Variants in PIAS2 observed in about 807,000 individuals in gnomAD.
PIAS2 encodes protein inhibitor of activated STAT 2.
A neutral mutation model predicts 69.7 loss-of-function variants in PIAS2; 19 were observed. That is an observed-to-expected ratio of 0.27 (90% CI 0.19 to 0.40). PIAS2 has a LOEUF of 0.40. Among genes scored for constraint, PIAS2 ranks in the 10% least tolerant of loss-of-function variants. PIAS2 has a pLI of 1.00. For synonymous variants in PIAS2, 261 were observed against 263.2 expected, an observed-to-expected ratio of 0.99 and a Z score of 0.08; for missense variants, 624 against 757.0, an observed-to-expected ratio of 0.82 and a Z score of 2.06.
chr18:46,855,852 A>G (rs1281257187), intron 3 of PIAS2, among the ~76,000 whole-genome samples: 1 of 152,166 alleles, frequency 6.6e-6, no homozygotes, highest in Non-Finnish European at 1.5e-5. Context: ...AATGCACAGG[A>G]ACTTTGATGA....
chr18:46,831,098 A>T (rs1253979033), intron 9 of PIAS2, among the ~76,000 whole-genome samples: 2 of 152,182 alleles, frequency 1.3e-5, no homozygotes, highest in Non-Finnish European at 2.9e-5. Context: ...CACGTTAGAA[A>T]GAAGAAGTAA....
chr18:46,817,389 T>A (rs1197261351), intron 12 of PIAS2: 2 of 964,018 alleles, frequency 2.1e-6, no homozygotes, highest in Non-Finnish European at 2.5e-6. Flanking sequence ...GAAAATTATA[T>A]CAAGCCTATT....
chr18:46,821,095 T>C, intron 11 of PIAS2, 23 bp from the exon 12 acceptor site: 1 of 1,611,826 alleles, frequency 6.2e-7, no homozygotes, highest in East Asian at 2.2e-5. Context: ...GCACGGGAAA[T>C]TACAAACAAT....
chr18:46,827,925 G>A (rs758090331), intron 11 of PIAS2, 34 bp downstream of exon 11: 17 of 1,582,432 alleles, frequency 1.1e-5, no homozygotes, highest in African/African-American at 1.3e-5. Context: ...AGTTGCAAGG[G>A]TAATGAACAA....
At position 46,890,855 on chromosome 18, in the gene PIAS2, A is replaced by G; in HGVS notation, c.224T>C (p.Leu75Ser). ...GAAAACCGATGATTTGATTGTGGAT[A>G]AATCAGAAAGTCCTTCAAGAGTTCG... is the stretch of plus-strand genomic sequence containing the variant. ...YPRTLEGLSD[L>S]STIKSSVFSL... The change falls in exon 2 of 14, where the codon TTA (leucine) becomes TCA (serine). Residue 75 changes from leucine to serine, a missense_variant. By Grantham distance (145) the Leu-to-Ser change is moderately radical. This residue lies in a region of PIAS2 where 339 missense variants were observed against 408.8 expected (regional missense o/e 0.83). Coordinates refer to ENST00000585916, the MANE Select transcript of PIAS2 (RefSeq NM_004671.5). The G allele has an allele frequency of 1.2e-6, 2 of 1,614,212 alleles. No homozygotes were observed. Among genetic ancestry groups the G allele is most frequent in the South Asian group, 2.2e-5 (2 of 91,084 alleles).
intron 1 of PIAS2, among the ~76,000 whole-genome samples, chr18:46,911,050 G>T (rs1041016160): frequency 2.0e-5 from 3 of 152,034 alleles, no homozygotes; most frequent in African/African-American, 7.2e-5. Context: ...TGACAGCTGG[G>T]TAACAGGTCT....
At position 46,813,104 on chromosome 18, in the gene PIAS2, G is replaced by A. The variant is rs555032971; in HGVS notation, c.1687-492C>T. On this transcript the variant is annotated intron_variant, in intron 13 of 13. Coordinates refer to ENST00000585916, the MANE Select transcript of PIAS2 (RefSeq NM_004671.5). ...GTTAAGGCTGACCAGCTGAATGATG[G>A]CATTGGACTCCTTTGTACATAAACG... Among the ~76,000 whole-genome samples the A allele has an allele frequency of 2.6e-5, 4 of 152,226 alleles. No individual in the cohort carries two copies. In the East Asian group the frequency reaches 7.7e-4, roughly 29 times the overall value.
chr18:46,892,475 TA>T (rs1242966203), intron 1 of PIAS2, among the ~76,000 whole-genome samples: 2 of 151,956 alleles, frequency 1.3e-5, no homozygotes, highest in African/African-American at 4.8e-5. Flanking sequence ...GTAGTCACAT[TA>T]AAAAAACTAA....
chr18:46,838,262 T>C (rs2044749993), intron 8 of PIAS2, among the ~76,000 whole-genome samples: 1 of 152,242 alleles, frequency 6.6e-6, no homozygotes, highest in African/African-American at 2.4e-5. Flanking sequence ...TGACTACTAC[T>C]TCACATTACT....
At position 46,846,849 on chromosome 18, in the gene PIAS2, C is replaced by T. The variant is rs2046232125; in HGVS notation, c.727-8G>A. ...AGGCGGTGGTGCATAGCCCTATAAC[C>T]GTAAGAAAGAAAAATTATTTCAAAT... On this transcript the variant is annotated splice_region_variant and splice_polypyrimidine_tract_variant and intron_variant, in intron 5 of 13. Coordinates refer to ENST00000585916, the MANE Select transcript of PIAS2 (RefSeq NM_004671.5). 1 of 1,540,794 alleles carries T rather than the reference C, an allele frequency of 6.5e-7. No homozygotes were observed. The highest frequency in any genetic ancestry group is 8.7e-7 in the Non-Finnish European group (1 of 1,146,500).
intron 5 of PIAS2, among the ~76,000 whole-genome samples, chr18:46,852,072 TA>T (rs2047050242): frequency 1.3e-5 from 2 of 152,202 alleles, no homozygotes; most frequent in Admixed American, 1.3e-4. Context: ...AAGAGCTCAC[TA>T]TAACTCCTAT....
intron 1 of PIAS2, among the ~76,000 whole-genome samples, chr18:46,896,170 A>AAAAAAAAAAAAAAAAAT (rs1231099709): frequency 6.6e-6 from 1 of 150,696 alleles, no homozygotes; most frequent in Non-Finnish European, 1.5e-5. Flanking sequence ...AAAAGCAAAA[A>AAAAAAAAAAAAAAAAAT]AAAAAAAAAA....
Position 46,842,186 on chromosome 18 carries a change from A to G in PIAS2, c.1041+1868T>C, listed in dbSNP as rs547269372. Among the ~76,000 whole-genome samples, 10 of 151,658 alleles carry G rather than the reference A, an allele frequency of 6.6e-5. No homozygotes were observed. The South Asian group carries it at 2.1e-3, about 32-fold the overall frequency. On this transcript the variant is annotated intron_variant, in intron 8 of 13. Transcript: ENST00000585916. ...AGCTGCAGTGAGCTGTGTTCATGCT[A>G]CTGCATTCCAGCATGGGCAACAGAG...
chr18:46,839,891 A>T (rs999819898), intron 8 of PIAS2, among the ~76,000 whole-genome samples: 18 of 151,052 alleles, frequency 1.2e-4, no homozygotes, highest in African/African-American at 4.4e-4. Flanking sequence ...GGCCGGGCAC[A>T]GTGGCTCACA....
Position 46,821,129 on chromosome 18 carries a change from A to G in PIAS2, c.1509-57T>C, listed in dbSNP as rs2042126891. Reference sequence around the variant, plus strand: ...ATCTGGCTGTTAGTTCACAGGAGAGAAGAGCTGCACCACTGGGCATTCTCA... The same window carrying G: ...ATCTGGCTGTTAGTTCACAGGAGAGGAGAGCTGCACCACTGGGCATTCTCA... On this transcript the variant is annotated intron_variant, in intron 11 of 13. Transcript: ENST00000585916. 3 of 1,582,384 alleles carry G rather than the reference A, an allele frequency of 1.9e-6. No individual in the cohort carries two copies. The South Asian group carries it at 3.4e-5, about 18-fold the overall frequency.
At position 46,804,786 on chromosome 18, in the gene PIAS2, T is replaced by C. The variant is rs745995497; in HGVS notation, c.*7647A>G. The stretch of plus-strand genomic sequence containing the variant: ...TGTTGACGCTATTGGAGCACAACTT[T>C]GGTGGGGGCAGGATCCTGCCTTGTG... On this transcript the variant is annotated 3_prime_UTR_variant, in exon 14 of 14. Transcript: ENST00000585916. 6.6e-6 allele frequency: 1 copy of C among 152,240 alleles called. No individual in the cohort carries two copies. Among genetic ancestry groups the C allele is most frequent in the Admixed American group, 6.5e-5 (1 of 15,280 alleles). 9.4% of individuals were successfully genotyped at this position (152,240 alleles called of 1,614,324 possible). A position where few individuals can be genotyped will look rare whatever the true frequency, so the allele number is the denominator to read the frequency against.
chr18:46,909,397 C>T (rs1359165229), intron 1 of PIAS2, among the ~76,000 whole-genome samples: 1 of 152,098 alleles, frequency 6.6e-6, no homozygotes, highest in Non-Finnish European at 1.5e-5. Context: ...CAGGTGTGGG[C>T]CACTATGCCC....
At chr18:46,868,800 T>G (rs1352435144) in intron 2 of PIAS2, among the ~76,000 whole-genome samples, 2 of 152,214 alleles carry the variant, frequency 1.3e-5, no homozygotes, top group Non-Finnish European at 2.9e-5. Flanking sequence ...CGCGATTGCC[T>G]TTCTCATCCA....
In PIAS2 at chr18:46,846,802, G is replaced by T; in HGVS notation, c.766C>A (p.Arg256Ser). Residue 256 changes from arginine to serine, a missense_variant, in exon 6 of 14, where the codon CGC becomes AGC. By Grantham distance (110) the Arg-to-Ser change is moderately radical (BLOSUM62 -1). Coordinates refer to ENST00000585916, the MANE Select transcript of PIAS2 (RefSeq NM_004671.5). ...PPPKNGIEQK[R>S]PGRPLNITSL... ...GTAATATTCAAGGGGCGTCCAGGGC[G>T]CTTCTGTTCAATCCCATTTTTAGGC... 6.2e-7 allele frequency: 1 copy of T among 1,611,592 alleles called. No individual in the cohort carries two copies. The highest frequency in any genetic ancestry group is 1.3e-5 in the African/African-American group (1 of 74,946).
Sources: gnomAD v4.1 joint callset for allele counts (sites outside exome capture counted in the v4.1 genomes callset) on GRCh38, gnomAD v4.1.1 for gene constraint, gnomAD v4.1.1 regional missense constraint, MANE v1.5 for transcripts, NCBI Gene and HGNC (gene_info 2026-07-23, HGNC 2026-07-21) for gene names.